The following SAMD4A variants were observed in gnomAD, a reference collection of about 807,000 sequenced individuals.
SAMD4A encodes protein Smaug homolog 1.
In SAMD4A, 33 loss-of-function variants were observed where a neutral mutation model predicts 81.3. That is an observed-to-expected ratio of 0.41 (90% CI 0.31 to 0.54). SAMD4A has a LOEUF of 0.54. Ranked by LOEUF, SAMD4A falls within the 20% of genes least tolerant of loss-of-function variation. The pLI, the probability that SAMD4A is intolerant of heterozygous loss-of-function variation, is 0.37. For missense variants in SAMD4A, 854 were observed against 951.1 expected, an observed-to-expected ratio of 0.90 and a Z score of 1.34; for synonymous variants, 389 against 382.1, an observed-to-expected ratio of 1.02 and a Z score of -0.21.
intron 3 of SAMD4A, among the ~76,000 whole-genome samples, chr14:54,718,422 C>G (rs1409016563): frequency 1.3e-5 from 2 of 152,192 alleles, no homozygotes; most frequent in African/African-American, 2.4e-5. Context: ...GCTGCCCCAG[C>G]AATGGCTTAG....
intron 2 of SAMD4A, among the ~76,000 whole-genome samples, chr14:54,669,628 C>G (rs573746934): frequency 2.0e-5 from 3 of 151,894 alleles, no homozygotes; most frequent in African/African-American, 7.2e-5. Flanking sequence ...CCGGCTAGCA[C>G]TCCTTTCTTT....
intron 3 of SAMD4A, among the ~76,000 whole-genome samples, chr14:54,708,302 A>G (rs2036907321): frequency 6.6e-6 from 1 of 152,226 alleles, no homozygotes; most frequent in African/African-American, 2.4e-5. Flanking sequence ...TGTTGCTATC[A>G]GTTGAGACAG....
At position 54,656,428 on chromosome 14, in the gene SAMD4A, CT is replaced by C. The variant is rs1422703975; in HGVS notation, c.197-45628del. On this transcript the variant is annotated intron_variant, in intron 2 of 12. Transcript: ENST00000554335. Reference sequence around the variant, plus strand: ...TCAGCTTCTCTTTCTAGGTCACCACCTTTTTTGGCCTTTACCCCTTGAGTTT... The same window carrying C: ...TCAGCTTCTCTTTCTAGGTCACCACCTTTTTGGCCTTTACCCCTTGAGTTT... Among the ~76,000 whole-genome samples, 4 of 152,198 alleles carry C rather than the reference CT, an allele frequency of 2.6e-5. No individual in the cohort carries two copies. In the South Asian group the frequency reaches 8.3e-4, roughly 32 times the overall value.
intron 9 of SAMD4A, among the ~76,000 whole-genome samples, chr14:54,774,240 C>T (rs1027467286): frequency 2.0e-5 from 3 of 152,322 alleles, no homozygotes; most frequent in African/African-American, 2.4e-5. Context: ...TGTTTTACTT[C>T]TCCAGCTACA....
chr14:54,577,826 G>C (rs975267747), intron 2 of SAMD4A, among the ~76,000 whole-genome samples: 1 of 152,156 alleles, frequency 6.6e-6, no homozygotes, highest in Non-Finnish European at 1.5e-5. Flanking sequence ...AAGAAGATGA[G>C]CAGAGAGCTG....
At chr14:54,690,197 T>C (rs1299096071) in intron 2 of SAMD4A, 4 of 151,878 alleles carry the variant, frequency 2.6e-5, no homozygotes, top group South Asian at 4.2e-4. Context: ...CTGAGCTCAA[T>C]TGTGGTAGAG....
At chr14:54,666,875 T>C (rs765212971) in intron 2 of SAMD4A, among the ~76,000 whole-genome samples, 7 of 152,126 alleles carry the variant, frequency 4.6e-5, no homozygotes, top group Non-Finnish European at 1.0e-4. Context: ...TCATGGGAGC[T>C]TAAGACCCTG....
chr14:54,708,926 T>A (rs1385497718), intron 3 of SAMD4A, among the ~76,000 whole-genome samples: 1 of 152,122 alleles, frequency 6.6e-6, no homozygotes, highest in Non-Finnish European at 1.5e-5. Context: ...TGGATGTATG[T>A]TTATGTTGAG....
intron 2 of SAMD4A, among the ~76,000 whole-genome samples, chr14:54,612,376 G>A (rs1416827730): frequency 6.6e-6 from 1 of 151,996 alleles, no homozygotes; most frequent in Non-Finnish European, 1.5e-5. Flanking sequence ...TCTTCTTTGA[G>A]TCATTAGAAG....
At chr14:54,643,926 T>G (rs542742851) in intron 2 of SAMD4A, among the ~76,000 whole-genome samples, 5 of 151,966 alleles carry the variant, frequency 3.3e-5, no homozygotes, top group African/African-American at 1.2e-4. Flanking sequence ...GTAGGGCAGG[T>G]GGGAGAGAAG....
At chr14:54,770,847 A>G (rs2038684509) in intron 9 of SAMD4A, among the ~76,000 whole-genome samples, 1 of 152,336 alleles carries the variant, frequency 6.6e-6, no homozygotes, top group Admixed American at 6.5e-5. Flanking sequence ...GATGAACTGC[A>G]GTGACAATTT....
At position 54,602,635 on chromosome 14, in the gene SAMD4A, C is replaced by T. The variant is rs191598929; in HGVS notation, c.196+34523C>T. ...CATTCACCTTCGGGACATCACACACCGGGGCCTGTTGTGGGGTGGGGGGAG... is the reference window on the plus strand; with the variant it reads ...CATTCACCTTCGGGACATCACACACTGGGGCCTGTTGTGGGGTGGGGGGAG... On this transcript the variant is annotated intron_variant, in intron 2 of 12. Coordinates refer to ENST00000554335, the MANE Select transcript of SAMD4A (RefSeq NM_015589.6). Among the ~76,000 whole-genome samples, 22 of 147,454 alleles carry T rather than the reference C, an allele frequency of 1.5e-4. 1 individual carries two copies. In the East Asian group the frequency reaches 2.8e-3, roughly 19 times the overall value.
intron 2 of SAMD4A, among the ~76,000 whole-genome samples, chr14:54,593,116 G>A (rs1158367585): frequency 6.6e-6 from 1 of 152,130 alleles, no homozygotes; most frequent in African/African-American, 2.4e-5. Context: ...CATTCTGAAT[G>A]TGCTATTTGT....
At chr14:54,640,712 G>A (rs2035154390) in intron 2 of SAMD4A, among the ~76,000 whole-genome samples, 1 of 152,122 alleles carries the variant, frequency 6.6e-6, no homozygotes, top group African/African-American at 2.4e-5. Context: ...CCTCACCCCA[G>A]CCCTCAATTG....
intron 2 of SAMD4A, among the ~76,000 whole-genome samples, chr14:54,583,143 G>T (rs1016240259): frequency 1.3e-5 from 2 of 152,038 alleles, no homozygotes; most frequent in Admixed American, 1.3e-4. Context: ...GGGATAAAAA[G>T]ATAAATTTTT....
At chr14:54,743,476 A>G (rs969643671) in intron 4 of SAMD4A, among the ~76,000 whole-genome samples, 1 of 152,160 alleles carries the variant, frequency 6.6e-6, no homozygotes, top group African/African-American at 2.4e-5. Flanking sequence ...TCCACTCTTT[A>G]CCAAGCATGT....
intron 3 of SAMD4A, among the ~76,000 whole-genome samples, chr14:54,726,899 T>C (rs2037428550): frequency 6.6e-6 from 1 of 152,180 alleles, no homozygotes; most frequent in African/African-American, 2.4e-5. Flanking sequence ...ACAGATAGTC[T>C]ATTACTCATT....
chr14:54,754,569 A>C (rs2038190757), intron 6 of SAMD4A, among the ~76,000 whole-genome samples: 1 of 151,686 alleles, frequency 6.6e-6, no homozygotes, highest in African/African-American at 2.4e-5. Flanking sequence ...TGGAACCCCT[A>C]CCTCTCCTGC....
chr14:54,766,515 G>A (rs562762641), intron 8 of SAMD4A, among the ~76,000 whole-genome samples: 2 of 152,308 alleles, frequency 1.3e-5, no homozygotes, highest in South Asian at 2.1e-4. Context: ...GGGCATTTCC[G>A]TGGAGGAACC....
Sources: gnomAD v4.1 joint callset for allele counts (sites outside exome capture counted in the v4.1 genomes callset) on GRCh38, gnomAD v4.1.1 for gene constraint, MANE v1.5 for transcripts, NCBI Gene and HGNC (gene_info 2026-07-23, HGNC 2026-07-21) for gene names.